CREB5: variants seen among roughly 807,000 people sequenced by gnomAD.
CREB5 encodes the protein cAMP responsive element binding protein 5.
In CREB5, 19 loss-of-function variants were observed where a neutral mutation model predicts 57.1. That is an observed-to-expected ratio of 0.33 (90% CI 0.23 to 0.49). The LOEUF (loss-of-function observed/expected upper bound fraction) is 0.49, where lower values mean the gene tolerates loss of function less well. CREB5 is among the 20% of genes least tolerant of loss of function. The pLI is 0.99. For synonymous variants in CREB5, 238 were observed against 238.3 expected, an observed-to-expected ratio of 1.00 and a Z score of 0.01; for missense variants, 579 against 671.6, an observed-to-expected ratio of 0.86 and a Z score of 1.52.
At chr7:28,704,547 C>T (rs1264235029) in intron 5 of CREB5, among the ~76,000 whole-genome samples, 1 of 151,930 alleles carries the variant, frequency 6.6e-6, no homozygotes, top group East Asian at 1.9e-4. Context: ...TGTCTTCAAA[C>T]TCCTGGGCTC....
At chr7:28,471,548 A>T (rs1790808176) in intron 1 of CREB5, among the ~76,000 whole-genome samples, 1 of 152,196 alleles carries the variant, frequency 6.6e-6, no homozygotes, top group African/African-American at 2.4e-5. Context: ...AGTACTACAG[A>T]GCTGGGGCTT....
chr7:28,520,238 T>G (rs1793148365), intron 4 of CREB5, among the ~76,000 whole-genome samples: 1 of 152,166 alleles, frequency 6.6e-6, no homozygotes, highest in African/African-American at 2.4e-5. Context: ...AACATCAGTT[T>G]ATAACTTGCT....
In CREB5 at chr7:28,607,874, A is replaced by G. The variant is rs142844207; in HGVS notation, c.464+37337A>G. ...TTGGCTTGCTTTTAAGGCTCACAGT[A>G]GAAGAGTTAAACAGAATTTCTCTTC... On this transcript the variant is annotated intron_variant, in intron 5 of 10. Transcript: ENST00000357727. Among the ~76,000 whole-genome samples, 124 of 151,884 alleles carry G rather than the reference A, an allele frequency of 8.2e-4. 1 individual carries two copies. In the South Asian group the frequency reaches 0.019, roughly 23 times the overall value.
At position 28,820,420 on chromosome 7, in the gene CREB5, T is replaced by A. The variant is rs551278354; in HGVS notation, c.*1141T>A. On this transcript the variant is annotated 3_prime_UTR_variant, in exon 11 of 11. Coordinates refer to ENST00000357727, the MANE Select transcript of CREB5 (RefSeq NM_182898.4). Reference sequence around the variant, plus strand: ...TGCTAATAGCCTAAGATTTATTTTTTTTTTTTTCTTAAGCCTATGGAACCG... The same window carrying A: ...TGCTAATAGCCTAAGATTTATTTTTATTTTTTTCTTAAGCCTATGGAACCG... The A allele has an allele frequency of 1.8e-4, 27 of 152,186 alleles. 1 individual carries two copies. The highest frequency in any genetic ancestry group is 1.6e-3 in the Admixed American group (25 of 15,244). The allele number at this position is 152,186 out of a possible 1,614,324, so 9.4% of individuals were successfully genotyped here. A position where few individuals can be genotyped will look rare whatever the true frequency, so the allele number is the denominator to read the frequency against.
chr7:28,587,264 G>T (rs1796337620), intron 5 of CREB5, among the ~76,000 whole-genome samples: 1 of 152,340 alleles, frequency 6.6e-6, no homozygotes, highest in Middle Eastern at 3.4e-3. Flanking sequence ...GAAATGGTTT[G>T]CTGCTAATGA....
At chr7:28,314,680 C>A (rs1237284976) in intron 1 of CREB5, among the ~76,000 whole-genome samples, 1 of 152,144 alleles carries the variant, frequency 6.6e-6, no homozygotes, top group African/African-American at 2.4e-5. Context: ...ACACACTACC[C>A]CAAGGGAAAG....
chr7:28,790,426 GAA>G (rs1488500184), intron 7 of CREB5, among the ~76,000 whole-genome samples: 162 of 79,660 alleles, frequency 2.0e-3, no homozygotes, highest in Non-Finnish European at 2.4e-3. Context: ...AAGAAAGAAA[GAA>G]AGAGAGAGAG....
chr7:28,387,580 G>C (rs1787134355), intron 1 of CREB5, among the ~76,000 whole-genome samples: 1 of 152,000 alleles, frequency 6.6e-6, no homozygotes, highest in African/African-American at 2.4e-5. Flanking sequence ...TCTTTAGTTT[G>C]ATGAGAACAC....
At chr7:28,681,716 C>T (rs768925772) in intron 5 of CREB5, among the ~76,000 whole-genome samples, 14 of 152,214 alleles carry the variant, frequency 9.2e-5, no homozygotes, top group Non-Finnish European at 1.5e-4. Context: ...CAAAGGAGCA[C>T]AGAGTAATGG....
At chr7:28,812,975 C>G (rs1485141053) in intron 9 of CREB5, among the ~76,000 whole-genome samples, 3 of 152,200 alleles carry the variant, frequency 2.0e-5, no homozygotes, top group Non-Finnish European at 4.4e-5. Context: ...TTGGAAAAAC[C>G]AGACCTAAGA....
intron 1 of CREB5, 126 bp from the exon 2 acceptor site, chr7:28,488,049 C>T: frequency 1.3e-6 from 1 of 746,374 alleles, no homozygotes; most frequent in Non-Finnish European, 2.3e-6. Context: ...ATGTTCTGCT[C>T]ATCTAATTTT....
At chr7:28,538,043 A>ATTGTT (rs72446973) in intron 4 of CREB5, among the ~76,000 whole-genome samples, 40,758 of 151,220 alleles carry the variant, frequency 0.27, 5,905 homozygotes, top group East Asian at 0.56. Context: ...TGTTGTTGTT[A>ATTGTT]TCGTTTTGTT....
At chr7:28,784,553 T>C (rs1807198337) in intron 7 of CREB5, among the ~76,000 whole-genome samples, 1 of 151,862 alleles carries the variant, frequency 6.6e-6, no homozygotes, top group African/African-American at 2.4e-5. Context: ...AGAGTTGAAG[T>C]GAGTGGAGAA....
At chr7:28,422,617 A>G (rs1212144952) in intron 1 of CREB5, among the ~76,000 whole-genome samples, 1 of 152,232 alleles carries the variant, frequency 6.6e-6, no homozygotes, top group African/African-American at 2.4e-5. Context: ...TAACAATGCT[A>G]TGGTTATATG....
intron 1 of CREB5, among the ~76,000 whole-genome samples, chr7:28,461,383 G>A (rs546650936): frequency 4.6e-5 from 7 of 151,588 alleles, no homozygotes; most frequent in African/African-American, 2.4e-5. Flanking sequence ...TCAGCAAGAC[G>A]AGATGTGTTT....
intron 1 of CREB5, among the ~76,000 whole-genome samples, chr7:28,335,254 G>A (rs1023166573): frequency 6.6e-6 from 1 of 152,004 alleles, no homozygotes; most frequent in African/African-American, 2.4e-5. Context: ...TATTTTAATA[G>A]GGATTGCATT....
intron 1 of CREB5, among the ~76,000 whole-genome samples, chr7:28,436,183 G>A (rs1788953798): frequency 6.6e-6 from 1 of 152,018 alleles, no homozygotes; most frequent in African/African-American, 2.4e-5. Context: ...CCTGCAACCT[G>A]ATATGCCCTC....
At chr7:28,396,132 T>C (rs1284107134) in intron 1 of CREB5, among the ~76,000 whole-genome samples, 1 of 152,198 alleles carries the variant, frequency 6.6e-6, no homozygotes, top group African/African-American at 2.4e-5. Flanking sequence ...ACTGTCACAT[T>C]TTAATGATGA....
At chr7:28,600,527 G>C (rs1449946265) in intron 5 of CREB5, among the ~76,000 whole-genome samples, 2 of 152,160 alleles carry the variant, frequency 1.3e-5, no homozygotes, top group Non-Finnish European at 2.9e-5. Flanking sequence ...ATGGTAGGGA[G>C]GGGATGATGA....
Sources: allele counts gnomAD v4.1 joint callset (sites outside exome capture counted in the v4.1 genomes callset), GRCh38; gene constraint gnomAD v4.1.1; transcripts MANE v1.5; gene names NCBI Gene and HGNC (gene_info 2026-07-23, HGNC 2026-07-21).